The following TTN variants were observed in gnomAD, a reference collection of about 807,000 sequenced individuals.
TTN encodes titin.
Under a neutral mutation model 3,223.0 loss-of-function variants are expected in TTN, and 1,525 were observed. That is an observed-to-expected ratio of 0.47 (90% CI 0.45 to 0.49). TTN has a LOEUF of 0.49. Among genes scored for constraint, TTN ranks in the 20% least tolerant of loss-of-function variants. The pLI, the probability that TTN is intolerant of heterozygous loss-of-function variation, is 0.00. For missense variants in TTN, 40,786 were observed against 43,424.0 expected (o/e 0.94, Z 5.40); for synonymous variants, 14,094 against 15,161.0 (o/e 0.93, Z 5.17).
At position 178,576,840 on chromosome 2, in the gene TTN, G is replaced by C. The variant is rs2154173351; in HGVS notation, c.69413-9C>G. On this transcript the variant is annotated splice_polypyrimidine_tract_variant and intron_variant, in intron 324 of 362. Coordinates refer to ENST00000589042, the MANE Select transcript of TTN (RefSeq NM_001267550.2). This position sits in a 1 kb window ranked among gnomAD's most constrained non-coding sequence, Gnocchi z 4.3. Reference sequence around the variant, plus strand: ...AGGAGGGCCAGGGGGACCTGAAAAGGAAGCAAATTTATTAGAAATCCATGA... The same window carrying C: ...AGGAGGGCCAGGGGGACCTGAAAAGCAAGCAAATTTATTAGAAATCCATGA... The C allele has an allele frequency of 1.2e-6, 2 of 1,601,974 alleles. No individual in the cohort carries two copies. Among genetic ancestry groups the C allele is most frequent in the Non-Finnish European group, 1.7e-6 (2 of 1,176,846 alleles).
In TTN at chr2:178,769,665, A is replaced by G; in HGVS notation, c.8902+14T>C. 2 of 994,342 alleles carry G rather than the reference A, an allele frequency of 2.0e-6. No individual in the cohort carries two copies. Among genetic ancestry groups the G allele is most frequent in the South Asian group, 1.9e-5 (1 of 53,460 alleles). 61.6% of individuals were successfully genotyped at this position (994,342 alleles called of 1,614,324 possible). On this transcript the variant is annotated intron_variant, in intron 37 of 362. Coordinates refer to ENST00000589042, the MANE Select transcript of TTN (RefSeq NM_001267550.2). ...TATATATGTGTATATATATATATATATTTTTTAACTTACGGGTGACTGTCA... is the reference window on the plus strand; with the variant it reads ...TATATATGTGTATATATATATATATGTTTTTTAACTTACGGGTGACTGTCA...
In TTN at chr2:178,639,779, G is replaced by A. The variant is rs370418677; in HGVS notation, c.40796C>T (p.Thr13599Ile). 147 of 1,593,946 alleles carry A rather than the reference G, an allele frequency of 9.2e-5. No individual in the cohort carries two copies. Among genetic ancestry groups the A allele is most frequent in the Non-Finnish European group, 1.1e-4 (134 of 1,172,446 alleles). ...AGGTTCCACAGGAGGTGGTTTGATT[G>A]TTTTCACTTCTGTAGAGAGAAGTCC... ...PKPKPEAEVK[T>I]IKPPPVEPEP... The change falls in exon 223 of 363, where the codon ACA becomes ATA. Residue 13599 changes from threonine to isoleucine, a missense_variant. Transcript: ENST00000589042.
intron 96 of TTN, 69 bp downstream of exon 96, chr2:178,711,875 C>CTTTT: frequency 6.7e-7 from 1 of 1,489,976 alleles, no homozygotes; most frequent in Non-Finnish European, 8.9e-7. Flanking sequence ...AAAAATAGGC[C>CTTTT]TCCCCAGACA....
intron 282 of TTN, 88 bp from the exon 283 acceptor site, chr2:178,602,678 T>C: frequency 1.0e-6 from 1 of 970,126 alleles, no homozygotes; most frequent in Non-Finnish European, 1.4e-6. Flanking sequence ...CATATATTAT[T>C]TTAATCTATT....
rs1158438965 is a variant in TTN at position 178,757,790 on chromosome 2, T to C, written c.10430A>G (p.His3477Arg). The change falls in exon 45 of 363, where the codon CAC becomes CGC. Residue 3477 changes from histidine to arginine, a missense_variant. His to Arg is a conservative substitution (Grantham distance 29). Transcript: ENST00000589042. ...ATGAAATCTGACTGTCTCCCCGTTG[T>C]GCACCCTGAGGCTTGACAGAGGCTG... ...FIQPLSSLRV[H>R]NGETVRFHAR... The C allele has an allele frequency of 6.2e-7, 1 of 1,613,666 alleles. No homozygotes were observed. The highest frequency in any genetic ancestry group is 1.7e-4 in the Middle Eastern group (1 of 6,056).
At chr2:178,617,630 T>C (rs939507322) in intron 253 of TTN, 118 bp from the exon 254 acceptor site, 98 of 1,356,484 alleles carry the variant, frequency 7.2e-5, no homozygotes, top group Non-Finnish European at 9.5e-5. Context: ...CTAAGTAAAG[T>C]AGGCACAGTC....
chr2:178,554,431 T>A lies in TTN; in HGVS notation c.88894+22A>T, dbSNP rs373788712. On this transcript the variant is annotated intron_variant, in intron 332 of 362. Transcript: ENST00000589042. The stretch of plus-strand genomic sequence containing the variant: ...TTTTTAAATTTTTCACGTTTCAGTT[T>A]TCTAATGAAATCATGTCTCACCAAA... 1.1e-4 allele frequency: 174 copies of A among 1,604,602 alleles called. 1 individual carries two copies. Among genetic ancestry groups the A allele is most frequent in the Non-Finnish European group, 1.4e-4 (165 of 1,176,058 alleles).
rs1488856141 is a variant in TTN at position 178,759,044 on chromosome 2, T to A, written c.10243A>T (p.Thr3415Ser). Residue 3415 changes from threonine (T) to serine (S), a missense_variant, in exon 44 of 363, where the codon ACG (threonine) becomes TCG (serine). By Grantham distance (58) the Thr-to-Ser change is moderately conservative. Coordinates refer to ENST00000589042, the MANE Select transcript of TTN (RefSeq NM_001267550.2). ...EAYPEDEGTYTFVASNAVGQV... is the reference protein window; with the variant it reads ...EAYPEDEGTYSFVASNAVGQV... ...CCTACAGCATTACTAGCAACAAACG[T>A]GTAAGTTCCTTCATCTTCTGGATAA... The A allele has an allele frequency of 1.2e-6, 2 of 1,614,038 alleles. No homozygotes were observed. Among genetic ancestry groups the A allele is most frequent in the Admixed American group, 3.3e-5 (2 of 60,002 alleles).
At chr2:178,592,724 C>A (rs549646900) in intron 300 of TTN, 51 bp downstream of exon 300, 3 of 1,612,362 alleles carry the variant, frequency 1.9e-6, no homozygotes, top group Non-Finnish European at 1.7e-6. Context: ...TAAACACATA[C>A]AATCAGACAT....
chr2:178,610,238 T>C lies in TTN; in HGVS notation c.51288A>G (p.Pro17096=), dbSNP rs1228172742. 2 of 1,613,030 alleles carry C rather than the reference T, an allele frequency of 1.2e-6. No homozygotes were observed. The highest frequency in any genetic ancestry group is 1.7e-6 in the Non-Finnish European group (2 of 1,179,280). The change falls in exon 271 of 363, where the codon CCA becomes CCG. Residue 17096 remains proline, a synonymous_variant. Coordinates refer to ENST00000589042, the MANE Select transcript of TTN (RefSeq NM_001267550.2). ...ACAGTTTGTTCTCACCAGACATGAC[T>C]GGTATATATGTTCTCCTCCCAGCTT... ...RREAGRRTYI[P]VMSGENKLSW... is the part of the protein sequence containing the mutation.
rs370336112 is a variant in TTN, at chr2:178,614,569, T to C, written c.48945A>G (p.Thr16315=). 1 of 1,612,326 alleles carries C rather than the reference T, an allele frequency of 6.2e-7. No individual in the cohort carries two copies. The highest frequency in any genetic ancestry group is 1.3e-5 in the African/African-American group (1 of 74,790). Residue 16315 remains threonine (T), a synonymous_variant, in exon 261 of 363, where the codon ACA becomes ACG. Coordinates refer to ENST00000589042, the MANE Select transcript of TTN (RefSeq NM_001267550.2). ...ITIENVPKKS[T]VTIVDSKRSD... ...TTCTCTTACTATCAACAATAGTCAC[T>C]GTGGATTTCTTAGGGACATTTTCAA... is the stretch of plus-strand genomic sequence containing the variant.
At chr2:178,729,625 C>T (rs2080035655) in intron 63 of TTN, 39 bp downstream of exon 63, 2 of 1,613,480 alleles carry the variant, frequency 1.2e-6, no homozygotes, top group Non-Finnish European at 1.7e-6. Flanking sequence ...ACTTATCAGG[C>T]AGCACAGCCA....
At chr2:178,660,677 T>C (rs76318004) in intron 180 of TTN, among the ~76,000 whole-genome samples, 3,940 of 151,332 alleles carry the variant, frequency 0.026, 1 homozygote, top group African/African-American at 0.091. Context: ...AATTGACAGA[T>C]AGGATCGAAT....
chr2:178,767,708 A>G, intron 40 of TTN, 51 bp downstream of exon 40: 1 of 1,601,008 alleles, frequency 6.2e-7, no homozygotes, highest in Non-Finnish European at 8.5e-7. Context: ...ATAAAATGAT[A>G]GATTATGGAC....
Position 178,591,151 on chromosome 2 carries a change from A to G in TTN, c.60574T>C (p.Ser20192Pro). The G allele has an allele frequency of 6.2e-7, 1 of 1,613,262 alleles. No individual in the cohort carries two copies. The highest frequency in any genetic ancestry group is 8.5e-7 in the Non-Finnish European group (1 of 1,179,522). Reference protein sequence around the residue: ...LDVTPEHMTISWQPPKDDGGS... With the variant: ...LDVTPEHMTIPWQPPKDDGGS... ...CCATCATCCTTAGGTGGCTGCCATGAGATAGTCATGTGTTCAGGAGTAACA... is the reference window on the plus strand; with the variant it reads ...CCATCATCCTTAGGTGGCTGCCATGGGATAGTCATGTGTTCAGGAGTAACA... Residue 20192 changes from serine to proline, a missense_variant, in exon 304 of 363, where the codon TCA (serine) becomes CCA (proline). Transcript: ENST00000589042.
Position 178,546,778 on chromosome 2 carries a change from C to T in TTN, c.94650G>A (p.Glu31550=), listed in dbSNP as rs1697355935. 2 of 1,613,616 alleles carry T rather than the reference C, an allele frequency of 1.2e-6. No homozygotes were observed. Among genetic ancestry groups the T allele is most frequent in the Non-Finnish European group, 1.7e-6 (2 of 1,179,746 alleles). The change falls in exon 341 of 363, where the codon GAG becomes GAA. Residue 31550 remains glutamate (E), a synonymous_variant. Transcript: ENST00000589042. The part of the protein sequence containing the change: ...GYIIERKPVS[E]VGDGRWLKCN... ...ACTTCAGCCAGCGACCATCTCCTAC[C>T]TCACTGACTGGCTTACGCTCTATGA...
chr2:178,543,654 C>G lies in TTN; in HGVS notation c.96319G>C (p.Gly32107Arg). 6.3e-7 allele frequency: 1 copy of G among 1,582,734 alleles called. No homozygotes were observed. Among genetic ancestry groups the G allele is most frequent in the Non-Finnish European group, 8.6e-7 (1 of 1,169,468 alleles). Residue 32107 changes from glycine to arginine, a missense_variant, in exon 347 of 363, where the codon GGT (glycine) becomes CGT (arginine). Gly to Arg is a moderately radical substitution (Grantham distance 125). Coordinates refer to ENST00000589042, the MANE Select transcript of TTN (RefSeq NM_001267550.2). The stretch of plus-strand genomic sequence containing the variant: ...TTAACTTTCACTGAAGGACAGGGAC[C>G]AGGAGTATCTGAAAAACAGAATGAA... ...TVLVKVYDTPGPCPSVKVKEV... is the reference protein window; with the variant it reads ...TVLVKVYDTPRPCPSVKVKEV...
At position 178,573,898 on chromosome 2, in the gene TTN, TA is replaced by T. The variant is rs1709132083; in HGVS notation, c.72233del (p.Ile24078LysfsTer11). 6.2e-7 allele frequency: 1 copy of T among 1,611,430 alleles called. No individual in the cohort carries two copies. Among genetic ancestry groups the T allele is most frequent in the East Asian group, 2.2e-5 (1 of 44,668 alleles). ...GATTAGTAGAGAAATCTGCAATTTT[TA>T]TTTCTAACTTTGCTGTGCCTTCCAG... is the stretch of plus-strand genomic sequence containing the variant. Reference protein sequence around the residue: ...KELEGTAKLEIKIADFSTNLV... With the variant: ...KELEGTAKLEXKIADFSTNLV... On this transcript the variant is annotated frameshift_variant, in exon 326 of 363. Transcript: ENST00000589042. LOFTEE classifies it high-confidence loss of function.
intron 24 of TTN, 38 bp downstream of exon 24, chr2:178,778,835 AT>A: frequency 6.2e-7 from 1 of 1,613,186 alleles, no homozygotes; most frequent in East Asian, 2.2e-5. Context: ...TTTGAAAACA[AT>A]TTACATACTA....
Sources: allele counts gnomAD v4.1 joint callset (sites outside exome capture counted in the v4.1 genomes callset), GRCh38; gene constraint gnomAD v4.1.1; non-coding constraint Gnocchi (gnomAD v3.1); transcripts MANE v1.5; gene names NCBI Gene and HGNC (gene_info 2026-07-23, HGNC 2026-07-21).